Variants in PI4KA observed in about 807,000 individuals in gnomAD.
PI4KA encodes the protein PI4-kinase alpha.
PI4KA carries 122 observed loss-of-function variants against 271.4 expected under a neutral mutation model. The ratio of observed to expected loss-of-function variants is 0.45; its 90% CI spans 0.39 to 0.52. PI4KA has a LOEUF of 0.52. Ranked by LOEUF, PI4KA falls within the 20% of genes least tolerant of loss-of-function variation. The probability of loss-of-function intolerance (pLI) is 0.00; values close to 1 mark genes in which losing one functional copy is unlikely to be tolerated. For missense variants in PI4KA, 1,969 were observed against 2,769.1 expected, an observed-to-expected ratio of 0.71 and a Z score of 6.48; for synonymous variants, 1,041 against 1,078.8, an observed-to-expected ratio of 0.96 and a Z score of 0.69.
At chr22:20,844,644 G>A (rs1479638145) in intron 1 of PI4KA, among the ~76,000 whole-genome samples, 1 of 152,184 alleles carries the variant, frequency 6.6e-6, no homozygotes, top group African/African-American at 2.4e-5. Flanking sequence ...AAAGACATCT[G>A]AAAACTTGAA....
chr22:20,789,611 T>C (rs1053201196), intron 19 of PI4KA, among the ~76,000 whole-genome samples: 3 of 152,226 alleles, frequency 2.0e-5, no homozygotes, highest in Non-Finnish European at 4.4e-5. Flanking sequence ...ATTACAGGTG[T>C]AAGCCACCAT....
chr22:20,736,047 A>C (rs1464596588), intron 32 of PI4KA, among the ~76,000 whole-genome samples: 1 of 152,178 alleles, frequency 6.6e-6, no homozygotes, highest in Non-Finnish European at 1.5e-5. Context: ...GACCACAGAC[A>C]ACAAGAAATA....
intron 19 of PI4KA, among the ~76,000 whole-genome samples, chr22:20,785,005 TCTGTAC>T (rs1473242065): frequency 6.6e-6 from 1 of 151,984 alleles, no homozygotes; most frequent in East Asian, 1.9e-4. Context: ...CAACGTCCCT[TCTGTAC>T]CTGCCTCCTT....
intron 19 of PI4KA, among the ~76,000 whole-genome samples, chr22:20,782,893 A>G (rs1260786871): frequency 6.6e-6 from 1 of 152,200 alleles, no homozygotes; most frequent in African/African-American, 2.4e-5. Context: ...ACAGGCAGGC[A>G]GGAGCTGTCT....
chr22:20,813,481 G>A lies in PI4KA; in HGVS notation c.882C>T (p.Ala294=), dbSNP rs1921336415. The A allele has an allele frequency of 6.2e-7, 1 of 1,614,040 alleles. No individual in the cohort carries two copies. The highest frequency in any genetic ancestry group is 8.5e-7 in the Non-Finnish European group (1 of 1,179,970). Residue 294 remains alanine (A), a synonymous_variant, in exon 8 of 55, where the codon GCC becomes GCT. Transcript: ENST00000255882. ...TTGAAAAGTAGTACTCAGGCTCTAG[G>A]GCAGTCCCATCGGGCAAGCAGGAGG... ...FEASCLPDGT[A]LEPEYYFSTI... is the part of the protein sequence containing the mutation.
intron 7 of PI4KA, among the ~76,000 whole-genome samples, chr22:20,817,057 C>T (rs1367634779): frequency 1.3e-5 from 2 of 152,104 alleles, no homozygotes; most frequent in African/African-American, 2.4e-5. Flanking sequence ...CTAAGAGGTG[C>T]GATTCTGAGT....
intron 15 of PI4KA, 62 bp from the exon 16 acceptor site, chr22:20,799,338 G>C: frequency 1.4e-6 from 2 of 1,400,742 alleles, no homozygotes; most frequent in Non-Finnish European, 1.9e-6. Context: ...TAGTGAAACA[G>C]TACCCAGAGA....
intron 45 of PI4KA, among the ~76,000 whole-genome samples, 182 bp from the exon 46 acceptor site, chr22:20,714,882 G>A (rs570783233): frequency 4.6e-5 from 7 of 152,174 alleles, no homozygotes; most frequent in Admixed American, 6.5e-5. Context: ...CTAAGGGTCC[G>A]TCCTCCTTGA....
At chr22:20,832,303 G>C (rs1924284263) in intron 3 of PI4KA, among the ~76,000 whole-genome samples, 1 of 151,874 alleles carries the variant, frequency 6.6e-6, no homozygotes, top group Non-Finnish European at 1.5e-5. Flanking sequence ...TTTTGGTAAA[G>C]ATGGGGTTTC....
intron 52 of PI4KA, chr22:20,710,319 G>T (rs1236938010): frequency 2.8e-5 from 15 of 530,028 alleles, no homozygotes; most frequent in Non-Finnish European, 5.2e-5. Context: ...GGGCAGTGGG[G>T]ATGAACCCAG....
intron 3 of PI4KA, among the ~76,000 whole-genome samples, chr22:20,825,052 A>G (rs1923222547): frequency 7.8e-6 from 1 of 128,736 alleles, no homozygotes; most frequent in Non-Finnish European, 1.6e-5. Flanking sequence ...CCTGGGTGAC[A>G]GAATGAGACG....
chr22:20,754,688 G>A (rs36005853), intron 23 of PI4KA, among the ~76,000 whole-genome samples: 57,834 of 151,948 alleles, frequency 0.38, 11,511 homozygotes, highest in African/African-American at 0.48. Context: ...GGTGGCTCAC[G>A]CCCATAATCC....
intron 22 of PI4KA, chr22:20,764,569 G>A (rs1932325810): frequency 4.4e-6 from 2 of 454,460 alleles, no homozygotes; most frequent in Non-Finnish European, 7.9e-6. Context: ...CAACTGCTCA[G>A]AAGCCTGTTT....
intron 42 of PI4KA, among the ~76,000 whole-genome samples, chr22:20,723,192 T>C (rs903493137): frequency 6.6e-6 from 1 of 151,734 alleles, no homozygotes; most frequent in Non-Finnish European, 1.5e-5. Context: ...TAATCTTTTT[T>C]TGTATTTTTA....
At chr22:20,730,279 CTTAT>C (rs144098976) in intron 36 of PI4KA, among the ~76,000 whole-genome samples, 57,513 of 151,498 alleles carry the variant, frequency 0.38, 11,075 homozygotes, top group Middle Eastern at 0.46. Flanking sequence ...TATTTATTTA[CTTAT>C]TTATTTTTGA....
intron 19 of PI4KA, chr22:20,779,416 C>T (rs1414050192): frequency 6.2e-7 from 1 of 1,614,240 alleles, no homozygotes; most frequent in South Asian, 1.1e-5. Context: ...GGGGAAACTG[C>T]TCAGTCTGCA....
rs1928270078 is a variant in PI4KA at position 20,733,118 on chromosome 22, G to A, written c.4161-20C>T. Reference sequence around the variant, plus strand: ...GGACAGCTTCAAACAACCATAAGAGGACAAGGGCTGAGTGTCTGGAGTCAG... The same window carrying A: ...GGACAGCTTCAAACAACCATAAGAGAACAAGGGCTGAGTGTCTGGAGTCAG... On this transcript the variant is annotated intron_variant, in intron 35 of 54. Coordinates refer to ENST00000255882, the MANE Select transcript of PI4KA (RefSeq NM_058004.4). 4 of 1,611,736 alleles carry A rather than the reference G, an allele frequency of 2.5e-6. No homozygotes were observed. The highest frequency in any genetic ancestry group is 3.4e-6 in the Non-Finnish European group (4 of 1,179,758).
At chr22:20,729,167 T>A in intron 39 of PI4KA, 146 bp downstream of exon 39, 2 of 672,214 alleles carry the variant, frequency 3.0e-6, no homozygotes, top group Non-Finnish European at 5.0e-6. Flanking sequence ...TCGGGGAGTG[T>A]CCTGGGGCTC....
intron 51 of PI4KA, 100 bp from the exon 52 acceptor site, chr22:20,710,958 AC>A: frequency 1.6e-6 from 2 of 1,277,676 alleles, no homozygotes; most frequent in Non-Finnish European, 1.1e-6. Context: ...CAACAGGAGC[AC>A]CCCCTCCACC....
Sources: gnomAD v4.1 joint callset for allele counts (sites outside exome capture counted in the v4.1 genomes callset) on GRCh38, gnomAD v4.1.1 for gene constraint, MANE v1.5 for transcripts, NCBI Gene and HGNC (gene_info 2026-07-23, HGNC 2026-07-21) for gene names.